Variants in SLAIN2 observed in about 807,000 individuals in gnomAD.
SLAIN2 encodes SLAIN motif-containing protein 2.
A neutral mutation model predicts 56.6 loss-of-function variants in SLAIN2; 31 were observed. The ratio of observed to expected loss-of-function variants is 0.55; its 90% confidence interval spans 0.41 to 0.74. The LOEUF is 0.74. SLAIN2 is among the 30% of genes least tolerant of loss of function. The pLI is 0.00. For missense variants in SLAIN2, 777 were observed against 754.2 expected, an observed-to-expected ratio of 1.03 and a Z score of -0.35; for synonymous variants, 317 against 284.9, an observed-to-expected ratio of 1.11 and a Z score of -1.13.
At chr4:48,390,022 A>G (rs1716195073) in intron 6 of SLAIN2, among the ~76,000 whole-genome samples, 1 of 151,996 alleles carries the variant, frequency 6.6e-6, no homozygotes. Flanking sequence ...ATCTGAAGAC[A>G]CAGCAGTGAG....
At chr4:48,365,935 C>A (rs1715509320) in intron 1 of SLAIN2, among the ~76,000 whole-genome samples, 1 of 151,212 alleles carries the variant, frequency 6.6e-6, no homozygotes, top group African/African-American at 2.5e-5. Flanking sequence ...CTTTTCTTTC[C>A]TAATGTAAGT....
In SLAIN2 at chr4:48,369,971, T is replaced by C. The variant is rs368937930; in HGVS notation, c.512T>C (p.Ile171Thr). The C allele has an allele frequency of 1.2e-6, 2 of 1,613,656 alleles. No homozygotes were observed. Among genetic ancestry groups the C allele is most frequent in the Non-Finnish European group, 1.7e-6 (2 of 1,179,672 alleles). The change falls in exon 2 of 8, where the codon ATC becomes ACC. Residue 171 changes from isoleucine to threonine, a missense_variant. Transcript: ENST00000264313. ...PDVECAKKSL[I>T]HKLDQTMSAL... is the part of the protein sequence containing the mutation. ...GTTGAGTGTGCTAAAAAATCTCTTA[T>C]CCACAAACTTGATCAAACTATGTCA...
In SLAIN2 at chr4:48,377,957, C is replaced by T. The variant is rs1041994323; in HGVS notation, c.600C>T (p.Tyr200=). The change falls in exon 3 of 8, where the codon TAC becomes TAT. Residue 200 remains tyrosine, a synonymous_variant. Coordinates refer to ENST00000264313, the MANE Select transcript of SLAIN2 (RefSeq NM_020846.2). The part of the protein sequence containing the change: ...PFNSMSYTSP[Y]SPNASSPYSS... ...ACTCTATGAGTTACACCAGTCCTTA[C>T]AGTCCAAATGCCAGTAGCCCATACA... is the stretch of plus-strand genomic sequence containing the variant. 17 of 1,613,830 alleles carry T rather than the reference C, an allele frequency of 1.1e-5. No individual in the cohort carries two copies. Among genetic ancestry groups the T allele is most frequent in the East Asian group, 8.9e-5 (4 of 44,882 alleles).
intron 1 of SLAIN2, among the ~76,000 whole-genome samples, chr4:48,342,442 C>G (rs1175862765): frequency 6.6e-6 from 1 of 152,134 alleles, no homozygotes. Context: ...AGGTGGGAAA[C>G]TGCTTTGTAG....
chr4:48,382,698 G>C lies in SLAIN2; in HGVS notation c.993G>C (p.Met331Ile), dbSNP rs1439145358. The C allele has an allele frequency of 2.5e-6, 4 of 1,613,710 alleles. No homozygotes were observed. In the African/African-American group the frequency reaches 4.0e-5, roughly 16 times the overall value. Residue 331 changes from methionine to isoleucine, a missense_variant, in exon 5 of 8, where the codon ATG (methionine) becomes ATC (isoleucine). Coordinates refer to ENST00000264313, the MANE Select transcript of SLAIN2 (RefSeq NM_020846.2). The part of the protein sequence containing the change: ...AQSLDDEDDN[M>I]HHAVYPAVNR... Reference sequence around the variant, plus strand: ...GTTTAGATGATGAAGATGACAATATGCATCATGCAGTATACCCTGCTGTTA... The same window carrying C: ...GTTTAGATGATGAAGATGACAATATCCATCATGCAGTATACCCTGCTGTTA...
intron 6 of SLAIN2, among the ~76,000 whole-genome samples, chr4:48,408,784 TA>T (rs963225526): frequency 6.6e-6 from 1 of 151,882 alleles, no homozygotes; most frequent in Non-Finnish European, 1.5e-5. Flanking sequence ...GTGTAGTATT[TA>T]TAAGGTTTGC....
intron 3 of SLAIN2, 30 bp from the exon 4 acceptor site, chr4:48,379,660 T>G: frequency 7.3e-7 from 1 of 1,373,034 alleles, no homozygotes; most frequent in East Asian, 2.7e-5. Context: ...TTTACCAGAG[T>G]TTGAATTTTT....
chr4:48,346,322 A>G (rs1288100178), intron 1 of SLAIN2, among the ~76,000 whole-genome samples: 1 of 152,012 alleles, frequency 6.6e-6, no homozygotes, highest in Non-Finnish European at 1.5e-5. Flanking sequence ...TAGTGATAAA[A>G]TTTCTGTTCT....
chr4:48,373,766 C>A (rs1217861761), intron 2 of SLAIN2, among the ~76,000 whole-genome samples: 1 of 152,088 alleles, frequency 6.6e-6, no homozygotes, highest in East Asian at 1.9e-4. Flanking sequence ...TGTGGCCGGG[C>A]GCAGTGGCTT....
intron 6 of SLAIN2, among the ~76,000 whole-genome samples, chr4:48,402,698 G>A (rs1716587233): frequency 6.6e-6 from 1 of 151,984 alleles, no homozygotes; most frequent in African/African-American, 2.4e-5. Context: ...ATTGGGCTCA[G>A]CAAAGTTCAG....
intron 2 of SLAIN2, among the ~76,000 whole-genome samples, chr4:48,370,330 C>A (rs1467010775): frequency 2.0e-5 from 3 of 152,128 alleles, no homozygotes; most frequent in Non-Finnish European, 4.4e-5. Context: ...CTCTCACATT[C>A]CACTCTTTGG....
At chr4:48,381,090 G>T (rs1715958588) in intron 4 of SLAIN2, among the ~76,000 whole-genome samples, 3 of 152,072 alleles carry the variant, frequency 2.0e-5, no homozygotes, top group African/African-American at 7.2e-5. Context: ...TGTTGTGGAT[G>T]TGAAAAAATA....
chr4:48,365,231 G>A (rs991988999), intron 1 of SLAIN2, among the ~76,000 whole-genome samples: 1 of 151,750 alleles, frequency 6.6e-6, no homozygotes, highest in Non-Finnish European at 1.5e-5. Flanking sequence ...TACTTTGGGA[G>A]GCTGAGGCAG....
intron 1 of SLAIN2, among the ~76,000 whole-genome samples, chr4:48,343,435 T>G (rs1418518488): frequency 6.6e-6 from 1 of 152,184 alleles, no homozygotes; most frequent in Non-Finnish European, 1.5e-5. Flanking sequence ...AGTTCTTATA[T>G]GATGTTGTAG....
intron 6 of SLAIN2, among the ~76,000 whole-genome samples, chr4:48,395,361 T>C (rs1201664386): frequency 6.6e-6 from 1 of 152,012 alleles, no homozygotes; most frequent in African/African-American, 2.4e-5. Context: ...CTGATAGCTT[T>C]AGATCTCACT....
At position 48,423,112 on chromosome 4, in the gene SLAIN2, G is replaced by C. The variant is rs1004943054; in HGVS notation, c.*1035G>C. ...CTCTGGTGATGACAGTTGTATTGTT[G>C]CTATTACATGGCATAACGGTCTATT... On this transcript the variant is annotated 3_prime_UTR_variant, in exon 8 of 8. Coordinates refer to ENST00000264313, the MANE Select transcript of SLAIN2 (RefSeq NM_020846.2). 2 of 152,130 alleles carry C rather than the reference G, an allele frequency of 1.3e-5. No homozygotes were observed. 9.4% of individuals were successfully genotyped at this position (152,130 alleles called of 1,614,324 possible).
intron 1 of SLAIN2, among the ~76,000 whole-genome samples, chr4:48,358,323 C>CT (rs34430243): frequency 0.3 from 43,933 of 145,750 alleles, 6,609 homozygotes; most frequent in South Asian, 0.47. Flanking sequence ...ACTAACAAAG[C>CT]TTTTTTTTTT....
intron 6 of SLAIN2, among the ~76,000 whole-genome samples, chr4:48,401,391 A>G (rs1461218128): frequency 2.0e-5 from 3 of 152,126 alleles, no homozygotes; most frequent in East Asian, 1.9e-4. Flanking sequence ...ATCTCTCACT[A>G]TTATTGTGTG....
intron 6 of SLAIN2, among the ~76,000 whole-genome samples, chr4:48,401,359 ATAT>A (rs1716551352): frequency 1.3e-5 from 2 of 152,284 alleles, no homozygotes; most frequent in South Asian, 4.1e-4. Context: ...GTTCTGTCTA[ATAT>A]TGTCAGAGGG....
Sources: gnomAD v4.1 joint callset for allele counts (sites outside exome capture counted in the v4.1 genomes callset) on GRCh38, gnomAD v4.1.1 for gene constraint, MANE v1.5 for transcripts, NCBI Gene and HGNC (gene_info 2026-07-23, HGNC 2026-07-21) for gene names.